The following NUP98 variants were observed in gnomAD, a reference collection of about 807,000 sequenced individuals.
NUP98 encodes nuclear pore complex protein Nup98-Nup96.
In NUP98, 26 loss-of-function variants were observed where a neutral mutation model predicts 191.9. That is an observed-to-expected ratio of 0.14 (90% confidence interval 0.10 to 0.19). NUP98 has a LOEUF of 0.19. Ranked by LOEUF, NUP98 falls within the 10% of genes least tolerant of loss-of-function variation. The pLI, the probability that NUP98 is intolerant of heterozygous loss-of-function variation, is 1.00. For missense variants in NUP98, 1,941 were observed against 2,178.8 expected (o/e 0.89, Z 2.17); for synonymous variants, 808 against 778.4 (o/e 1.04, Z -0.63).
chr11:3,704,597 T>C (rs561683230), intron 22 of NUP98, among the ~76,000 whole-genome samples: 2 of 152,368 alleles, frequency 1.3e-5, no homozygotes, highest in Non-Finnish European at 2.9e-5. Context: ...CAGAGCTTAC[T>C]ATCTAATCCA....
At chr11:3,690,508 C>G (rs929006391) in intron 28 of NUP98, among the ~76,000 whole-genome samples, 1 of 152,050 alleles carries the variant, frequency 6.6e-6, no homozygotes, top group Admixed American at 6.6e-5. Flanking sequence ...GATCCGCACA[C>G]CTTGGCCTCC....
At chr11:3,699,010 A>G (rs1186250392) in intron 25 of NUP98, 72 bp downstream of exon 25, 3 of 1,543,150 alleles carry the variant, frequency 1.9e-6, no homozygotes, top group Non-Finnish European at 2.7e-6. Context: ...ATGCACAATT[A>G]GCGGGGAGCG....
intron 10 of NUP98, among the ~76,000 whole-genome samples, chr11:3,757,685 G>C (rs1367249376): frequency 6.6e-6 from 1 of 151,958 alleles, no homozygotes; most frequent in Non-Finnish European, 1.5e-5. Context: ...TGTAATCCCA[G>C]CTACTTGGGA....
At chr11:3,788,918 G>T (rs1397620439) in intron 1 of NUP98, among the ~76,000 whole-genome samples, 1 of 152,040 alleles carries the variant, frequency 6.6e-6, no homozygotes, top group African/African-American at 2.4e-5. Context: ...CTGCACTCCA[G>T]CCTGGATAAC....
chr11:3,740,124 C>T (rs1055092448), intron 12 of NUP98, among the ~76,000 whole-genome samples: 4 of 152,058 alleles, frequency 2.6e-5, no homozygotes, highest in African/African-American at 7.2e-5. Flanking sequence ...GATCAAATGA[C>T]GCGTATCTAC....
intron 6 of NUP98, among the ~76,000 whole-genome samples, chr11:3,772,223 TC>T (rs1298543888): frequency 6.6e-6 from 1 of 151,892 alleles, no homozygotes. Context: ...ATCCTAACTC[TC>T]CCCAGCCCTA....
chr11:3,758,214 G>A (rs906242192), intron 10 of NUP98, among the ~76,000 whole-genome samples: 24 of 151,758 alleles, frequency 1.6e-4, no homozygotes, highest in Non-Finnish European at 4.4e-5. Flanking sequence ...CCAGCTACTC[G>A]GGAGGCTGAG....
Position 3,699,200 on chromosome 11 carries a change from G to A in NUP98, c.3891C>T (p.Ala1297=). ...AGACTTCCTCTTCAATCTGAGGTGT[G>A]GCAGTACAGGATAGCCAGCGGGAGA... ...RAFSRWLSCT[A]TPQIEEEVSL... Residue 1297 remains alanine, a synonymous_variant, in exon 25 of 33, where the codon GCC becomes GCT. Coordinates refer to ENST00000324932, the MANE Select transcript of NUP98 (RefSeq NM_016320.5). The A allele has an allele frequency of 6.2e-7, 1 of 1,614,134 alleles. No individual in the cohort carries two copies. The highest frequency in any genetic ancestry group is 8.5e-7 in the Non-Finnish European group (1 of 1,180,026).
At position 3,771,820 on chromosome 11, in the gene NUP98, T is replaced by C; in HGVS notation, c.712A>G (p.Thr238Ala). Residue 238 changes from threonine to alanine, a missense_variant, in exon 7 of 33, where the codon ACA (threonine) becomes GCA (alanine). Around this residue, in one of 6 missense-constraint regions of NUP98, gnomAD observed 181 missense variants for 228.0 expected, o/e 0.79. Coordinates refer to ENST00000324932, the MANE Select transcript of NUP98 (RefSeq NM_016320.5). ...GTGGTGGAGGAGCTGAAGAGTCCTGTTGCGCTGGAAGTGGCTGGAGAAGAC... is the reference window on the plus strand; with the variant it reads ...GTGGTGGAGGAGCTGAAGAGTCCTGCTGCGCTGGAAGTGGCTGGAGAAGAC... ...FGSSPATSSA[T>A]GLFSSSTTNS... The C allele has an allele frequency of 1.9e-6, 3 of 1,614,172 alleles. No individual in the cohort carries two copies. The highest frequency in any genetic ancestry group is 2.2e-5 in the East Asian group (1 of 44,878).
At chr11:3,712,327 A>G (rs551384482) in intron 20 of NUP98, 1 of 1,314,246 alleles carries the variant, frequency 7.6e-7, no homozygotes, top group African/African-American at 1.5e-5. Context: ...GGGTTTAAAA[A>G]TGACAATCTG....
chr11:3,691,850 G>A lies in NUP98; in HGVS notation c.4312-361C>T, dbSNP rs113042317. On this transcript the variant is annotated intron_variant, in intron 27 of 32. Coordinates refer to ENST00000324932, the MANE Select transcript of NUP98 (RefSeq NM_016320.5). ...ATTAGAGGTGTGAATGACCGCACCC[G>A]GCCTAGATGCCATTATGTTTCAAAT... Among the ~76,000 whole-genome samples, 842 of 152,060 alleles carry A rather than the reference G, an allele frequency of 5.5e-3. 7 individuals carry two copies. Among genetic ancestry groups the A allele is most frequent in the African/African-American group, 0.017 (705 of 41,472 alleles).
intron 24 of NUP98, 68 bp from the exon 25 acceptor site, chr11:3,699,416 TCTAA>T (rs1384747882): frequency 1.3e-6 from 2 of 1,527,394 alleles, no homozygotes; most frequent in Admixed American, 1.7e-5. Context: ...AGGGCATCCT[TCTAA>T]CTGTGATGTT....
intron 15 of NUP98, among the ~76,000 whole-genome samples, chr11:3,723,810 G>T (rs2079502191): frequency 6.7e-6 from 1 of 149,464 alleles, no homozygotes; most frequent in Admixed American, 6.7e-5. Context: ...GAGTACAAAG[G>T]TGTCTATACA....
chr11:3,760,714 G>A (rs1273623038), intron 9 of NUP98, 88 bp from the exon 10 acceptor site: 1 of 1,013,154 alleles, frequency 9.9e-7, no homozygotes, highest in Admixed American at 2.4e-5. Context: ...TACTGGGTTG[G>A]GTATGGGGTG....
intron 2 of NUP98, 45 bp downstream of exon 2, chr11:3,781,997 G>A (rs576228138): frequency 1.2e-5 from 15 of 1,294,110 alleles, no homozygotes; most frequent in African/African-American, 4.4e-5. Flanking sequence ...TTCTTAGTAA[G>A]GGAGATTAAG....
At chr11:3,741,710 T>C (rs1004169284) in intron 12 of NUP98, among the ~76,000 whole-genome samples, 3 of 152,116 alleles carry the variant, frequency 2.0e-5, no homozygotes, top group Admixed American at 6.6e-5. Context: ...ACTGTTAAGA[T>C]AGAAAGGATC....
chr11:3,737,965 A>G (rs150270022), intron 12 of NUP98, among the ~76,000 whole-genome samples: 1,888 of 151,894 alleles, frequency 0.012, 27 homozygotes, highest in African/African-American at 0.041. Flanking sequence ...GAAAAACTTT[A>G]GAGAACTCCA....
chr11:3,700,846 G>C lies in NUP98; in HGVS notation c.3513-7C>G. 6.3e-7 allele frequency: 1 copy of C among 1,591,922 alleles called. No individual in the cohort carries two copies. Among genetic ancestry groups the C allele is most frequent in the Non-Finnish European group, 8.6e-7 (1 of 1,161,630 alleles). ...GAATGGGGACTCAGTTAGGCTACAA[G>C]AGCAAATGAGGAATAGAATAGAAAA... On this transcript the variant is annotated splice_polypyrimidine_tract_variant and splice_region_variant and intron_variant, in intron 23 of 32. Transcript: ENST00000324932.
At chr11:3,761,595 C>T (rs2134513476) in intron 9 of NUP98, among the ~76,000 whole-genome samples, 1 of 152,282 alleles carries the variant, frequency 6.6e-6, no homozygotes, top group East Asian at 1.9e-4. Flanking sequence ...CCATTCTCTA[C>T]TAAAAATACA....
Sources: gnomAD v4.1 joint callset for allele counts (sites outside exome capture counted in the v4.1 genomes callset) on GRCh38, gnomAD v4.1.1 for gene constraint, gnomAD v4.1.1 regional missense constraint, MANE v1.5 for transcripts, NCBI Gene and HGNC (gene_info 2026-07-23, HGNC 2026-07-21) for gene names.